WIPF2: variants seen among roughly 807,000 people sequenced by gnomAD.
WIPF2 encodes WAS/WASL interacting protein family member 2, also known as WAS/WASL-interacting protein family member 2.
In WIPF2, 23 loss-of-function variants were observed where a neutral mutation model predicts 38.8. The ratio of observed to expected loss-of-function variants is 0.59; its 90% CI spans 0.43 to 0.84. The LOEUF is 0.84. Among genes scored for constraint, WIPF2 ranks in the 40% least tolerant of loss-of-function variants. The probability of loss-of-function intolerance (pLI) is 0.00; values close to 1 mark genes in which losing one functional copy is unlikely to be tolerated. For synonymous variants in WIPF2, 210 were observed against 223.2 expected, an observed-to-expected ratio of 0.94 and a Z score of 0.53; for missense variants, 574 against 580.5, an observed-to-expected ratio of 0.99 and a Z score of 0.11.
intron 5 of WIPF2, among the ~76,000 whole-genome samples, chr17:40,267,357 C>A (rs955051294): frequency 1.3e-5 from 2 of 151,900 alleles, no homozygotes; most frequent in African/African-American, 4.8e-5. Flanking sequence ...ATTTAGGAAC[C>A]CTGGAAAAAG....
At chr17:40,239,769 C>T (rs1224149036) in intron 1 of WIPF2, among the ~76,000 whole-genome samples, 3 of 147,934 alleles carry the variant, frequency 2.0e-5, no homozygotes, top group South Asian at 2.2e-4. Flanking sequence ...CTATCTTGGC[C>T]CACTGCAACC....
intron 6 of WIPF2, among the ~76,000 whole-genome samples, chr17:40,276,193 T>A (rs978001017): frequency 1.7e-4 from 26 of 152,170 alleles, no homozygotes; most frequent in Admixed American, 1.7e-3. Flanking sequence ...TGGATTTAGA[T>A]CAGTTGTTTT....
chr17:40,234,990 C>T (rs1307098607), intron 1 of WIPF2, among the ~76,000 whole-genome samples: 1 of 151,796 alleles, frequency 6.6e-6, no homozygotes, highest in East Asian at 1.9e-4. Context: ...GCGATCTCAG[C>T]TCACTGCAAG....
At chr17:40,275,335 T>C (rs1339185314) in intron 6 of WIPF2, among the ~76,000 whole-genome samples, 1 of 152,104 alleles carries the variant, frequency 6.6e-6, no homozygotes, top group Non-Finnish European at 1.5e-5. Context: ...GTCACGTTAC[T>C]TCTCTGGGCC....
chr17:40,243,194 A>G (rs1478798119), intron 1 of WIPF2, among the ~76,000 whole-genome samples: 2 of 152,138 alleles, frequency 1.3e-5, no homozygotes, highest in Non-Finnish European at 2.9e-5. Flanking sequence ...CCGAATTTAC[A>G]TTTTTAGGGC....
chr17:40,230,736 G>A (rs2030704578), intron 1 of WIPF2, among the ~76,000 whole-genome samples: 2 of 152,056 alleles, frequency 1.3e-5, no homozygotes, highest in Non-Finnish European at 2.9e-5. Flanking sequence ...GCAGGGAGGA[G>A]TGTTTAAAAA....
chr17:40,237,317 C>T (rs879356129), intron 1 of WIPF2, among the ~76,000 whole-genome samples: 10 of 150,494 alleles, frequency 6.6e-5, no homozygotes, highest in Non-Finnish European at 1.5e-4. Flanking sequence ...CTCGGGTCAC[C>T]GCAATCTCCG....
chr17:40,252,518 G>T (rs1046236477), intron 1 of WIPF2, among the ~76,000 whole-genome samples: 1 of 151,964 alleles, frequency 6.6e-6, no homozygotes, highest in Non-Finnish European at 1.5e-5. Flanking sequence ...ACAGAAATTA[G>T]CTGGGTGTGG....
In WIPF2 at chr17:40,279,131, G is replaced by GTGGGCC. The variant is rs1302205413; in HGVS notation, c.*914_*919dup. ...CTGGTGGGAGATAGGAAGATAGGGC[G>GTGGGCC]TGGGCCTGGGCCTTAACCTCAATCT... On this transcript the variant is annotated 3_prime_UTR_variant, in exon 8 of 8. Coordinates refer to ENST00000323571, the MANE Select transcript of WIPF2 (RefSeq NM_133264.5). 1 of 152,256 alleles carries GTGGGCC rather than the reference G, an allele frequency of 6.6e-6. No individual in the cohort carries two copies. Among genetic ancestry groups the GTGGGCC allele is most frequent in the Admixed American group, 6.5e-5 (1 of 15,280 alleles). 9.4% of individuals were successfully genotyped at this position (152,256 alleles called of 1,614,324 possible). A position where few individuals can be genotyped will look rare whatever the true frequency, so the allele number is the denominator to read the frequency against.
intron 6 of WIPF2, among the ~76,000 whole-genome samples, chr17:40,274,557 GAAAAAAAAAA>G (rs571085371): frequency 1.1e-3 from 27 of 24,782 alleles, no homozygotes; most frequent in East Asian, 4.6e-3. Flanking sequence ...TGGAATTCTT[GAAAAAAAAAA>G]AAAAAAAAAA....
chr17:40,239,162 C>T (rs2031092444), intron 1 of WIPF2, among the ~76,000 whole-genome samples: 1 of 151,656 alleles, frequency 6.6e-6, no homozygotes, highest in Admixed American at 6.6e-5. Flanking sequence ...AGCTCCGCCT[C>T]CCAGGTTCAC....
At chr17:40,250,362 C>G (rs2031518847) in intron 1 of WIPF2, among the ~76,000 whole-genome samples, 1 of 149,358 alleles carries the variant, frequency 6.7e-6, no homozygotes, top group South Asian at 2.1e-4. Flanking sequence ...TTCTGAGTAG[C>G]TGGGACTACA....
Position 40,277,164 on chromosome 17 carries a change from A to C in WIPF2, c.1262A>C (p.Tyr421Ser). The C allele has an allele frequency of 6.2e-7, 1 of 1,612,576 alleles. No homozygotes were observed. Among genetic ancestry groups the C allele is most frequent in the Non-Finnish European group, 8.5e-7 (1 of 1,179,116 alleles). ...PEEYKHFQRI[Y>S]PSKTNRAARG... ...GAATATAAACACTTTCAGAGGATAT[A>C]TCCCAGCAAAACAAACCGAGGTGAG... is the stretch of plus-strand genomic sequence containing the variant. The change falls in exon 7 of 8, where the codon TAT becomes TCT. Residue 421 changes from tyrosine to serine, a missense_variant. Transcript: ENST00000323571.
intron 1 of WIPF2, among the ~76,000 whole-genome samples, chr17:40,235,047 T>A (rs1395252782): frequency 6.6e-6 from 1 of 152,104 alleles, no homozygotes; most frequent in Non-Finnish European, 1.5e-5. Flanking sequence ...GCCTCCCTAG[T>A]AGCTGGGACA....
chr17:40,259,018 C>T (rs1207573909), intron 2 of WIPF2, among the ~76,000 whole-genome samples: 1 of 34,912 alleles, frequency 2.9e-5, no homozygotes, highest in Non-Finnish European at 5.4e-5. Context: ...AACTCTGTCT[C>T]AAAAAAAAAA....
chr17:40,258,504 A>G (rs1230317508), intron 2 of WIPF2, among the ~76,000 whole-genome samples: 2 of 152,112 alleles, frequency 1.3e-5, no homozygotes. Flanking sequence ...AGGCAGGAGA[A>G]TCGCTTGAAC....
Position 40,273,808 on chromosome 17 carries a change from C to T in WIPF2, c.989C>T (p.Pro330Leu). 6.2e-7 allele frequency: 1 copy of T among 1,608,182 alleles called. No individual in the cohort carries two copies. Among genetic ancestry groups the T allele is most frequent in the Non-Finnish European group, 8.5e-7 (1 of 1,176,048 alleles). Residue 330 changes from proline (P) to leucine (L), a missense_variant, in exon 6 of 8, where the codon CCT (proline) becomes CTT (leucine). Coordinates refer to ENST00000323571, the MANE Select transcript of WIPF2 (RefSeq NM_133264.5). ...ATTGCAGCTCCTCCACCCCCACCAC[C>T]TGTGATCCGAAATGGTGCCAGGGAT... ...SRGAAPPPPPPVIRNGARDAP... is the reference protein window; with the variant it reads ...SRGAAPPPPPLVIRNGARDAP...
In WIPF2 at chr17:40,264,812, G is replaced by A. The variant is rs754011103; in HGVS notation, c.636G>A (p.Thr212=). 9.3e-6 allele frequency: 15 copies of A among 1,611,628 alleles called. No homozygotes were observed. Among genetic ancestry groups the A allele is most frequent in the East Asian group, 4.5e-5 (2 of 44,788 alleles). ...AYNREKPLPP[T]PGQRLHPGRE... Reference sequence around the variant, plus strand: ...ACAGAGAGAAACCCTTGCCACCGACGCCTGGACAAAGGCTTCACCCTGGTC... The same window carrying A: ...ACAGAGAGAAACCCTTGCCACCGACACCTGGACAAAGGCTTCACCCTGGTC... Residue 212 remains threonine (T), a synonymous_variant, in exon 5 of 8, where the codon ACG becomes ACA. Transcript: ENST00000323571.
chr17:40,243,211 A>C (rs2031249379), intron 1 of WIPF2, among the ~76,000 whole-genome samples: 1 of 152,150 alleles, frequency 6.6e-6, no homozygotes, highest in Admixed American at 6.6e-5. Context: ...GGGCTTTAAA[A>C]AAATAATCTG....
Sources: gnomAD v4.1 joint callset for allele counts (sites outside exome capture counted in the v4.1 genomes callset) on GRCh38, gnomAD v4.1.1 for gene constraint, MANE v1.5 for transcripts, NCBI Gene and HGNC (gene_info 2026-07-23, HGNC 2026-07-21) for gene names.